The following ZFPM2 variants were observed in gnomAD, a reference collection of about 807,000 sequenced individuals.
ZFPM2 encodes zinc finger protein ZFPM2.
ZFPM2 carries 20 observed loss-of-function variants against 98.6 expected under a neutral mutation model. The observed-to-expected ratio is 0.20, with a 90% CI of 0.14 to 0.29. The LOEUF is 0.29. Among genes scored for constraint, ZFPM2 ranks in the 10% least tolerant of loss-of-function variants. ZFPM2 has a pLI of 1.00. For synonymous variants in ZFPM2, 518 were observed against 502.7 expected (o/e 1.03, Z -0.41); for missense variants, 1,310 against 1,388.6 (o/e 0.94, Z 0.90).
chr8:105,668,326 G>T (rs1817526118), intron 5 of ZFPM2, among the ~76,000 whole-genome samples: 1 of 152,158 alleles, frequency 6.6e-6, no homozygotes, highest in Admixed American at 6.5e-5. Context: ...TGTCAATTAA[G>T]AAGTCTAATT....
chr8:105,790,301 T>C (rs919957313), intron 6 of ZFPM2, among the ~76,000 whole-genome samples: 9 of 151,462 alleles, frequency 5.9e-5, no homozygotes, highest in Non-Finnish European at 8.9e-5. Context: ...GCTTTCTACA[T>C]ATGGCTAGCC....
intron 5 of ZFPM2, among the ~76,000 whole-genome samples, chr8:105,747,308 C>T (rs1295361583): frequency 3.3e-5 from 5 of 152,008 alleles, no homozygotes. Flanking sequence ...AGTCAGTTAA[C>T]TCGAAGGTTA....
intron 5 of ZFPM2, among the ~76,000 whole-genome samples, chr8:105,744,291 A>G (rs1812292965): frequency 1.3e-5 from 2 of 152,076 alleles, no homozygotes; most frequent in Non-Finnish European, 1.5e-5. Flanking sequence ...GAGCACTTTC[A>G]CTGATATTAG....
At chr8:105,504,196 G>A (rs942909983) in intron 3 of ZFPM2, among the ~76,000 whole-genome samples, 2 of 152,162 alleles carry the variant, frequency 1.3e-5, no homozygotes, top group African/African-American at 4.8e-5. Flanking sequence ...TTGCATACAG[G>A]AAGACAGAAG....
rs78446600 is a variant in ZFPM2 at position 105,570,678 on chromosome 8, C to G, written c.420+9197C>G. On this transcript the variant is annotated intron_variant, in intron 4 of 7. Coordinates refer to ENST00000407775, the MANE Select transcript of ZFPM2 (RefSeq NM_012082.4). ...ATAGCTAGCCTGTTAACCTCAATCT[C>G]ATCCTGACTTACTTTTTCTCCTGAT... 7.0e-3 allele frequency among the ~76,000 whole-genome samples: 1,063 copies of G among 152,292 alleles called. 12 individuals carry two copies. The highest frequency in any genetic ancestry group is 0.024 in the African/African-American group (985 of 41,570).
chr8:105,762,843 AAT>A (rs1812763346), intron 5 of ZFPM2, among the ~76,000 whole-genome samples: 1 of 151,890 alleles, frequency 6.6e-6, no homozygotes, highest in Non-Finnish European at 1.5e-5. Flanking sequence ...ACCTTATGAT[AAT>A]GTTTCCCATC....
At position 105,372,004 on chromosome 8, in the gene ZFPM2, AATTATTATTATTATTATTATT is replaced by A. The variant is rs139489210; in HGVS notation, c.41-47115_41-47095del. ...GTTCACAAAATGATAAAAATAGTGA[AATTATTATTATTATTATTATT>A]ATTATTATTATTATTATTATTATTT... On this transcript the variant is annotated intron_variant, in intron 1 of 7. Transcript: ENST00000407775. 1.5e-3 allele frequency among the ~76,000 whole-genome samples: 215 copies of A among 145,734 alleles called. 1 individual carries two copies. Among genetic ancestry groups the A allele is most frequent in the African/African-American group, 5.2e-3 (206 of 39,784 alleles).
intron 6 of ZFPM2, among the ~76,000 whole-genome samples, chr8:105,792,265 G>A (rs1326439615): frequency 6.6e-6 from 1 of 152,140 alleles, no homozygotes; most frequent in African/African-American, 2.4e-5. Context: ...CTTTGAATGT[G>A]TCCCAGAGAT....
At chr8:105,607,386 G>T (rs1816217145) in intron 4 of ZFPM2, among the ~76,000 whole-genome samples, 1 of 151,908 alleles carries the variant, frequency 6.6e-6, no homozygotes, top group African/African-American at 2.4e-5. Context: ...TCTGAGAAAA[G>T]AAGAAGGGAA....
At chr8:105,464,763 A>T (rs973594540) in intron 3 of ZFPM2, among the ~76,000 whole-genome samples, 1 of 152,024 alleles carries the variant, frequency 6.6e-6, no homozygotes, top group East Asian at 1.9e-4. Flanking sequence ...AGGGAAAAAA[A>T]CCTGCCTCAA....
chr8:105,607,365 T>C (rs1816216917), intron 4 of ZFPM2, among the ~76,000 whole-genome samples: 2 of 152,124 alleles, frequency 1.3e-5, no homozygotes, highest in Non-Finnish European at 1.5e-5. Flanking sequence ...TTATCTCATA[T>C]TAATGAGAGA....
chr8:105,373,642 A>G (rs1029867621), intron 1 of ZFPM2, among the ~76,000 whole-genome samples: 4 of 152,228 alleles, frequency 2.6e-5, no homozygotes, highest in African/African-American at 9.6e-5. Context: ...AATAAATTGC[A>G]GAGAAATTAA....
intron 1 of ZFPM2, among the ~76,000 whole-genome samples, chr8:105,354,201 T>C (rs559825166): frequency 1.6e-4 from 25 of 152,194 alleles, no homozygotes; most frequent in Non-Finnish European, 3.2e-4. Flanking sequence ...AAATATGCCG[T>C]ATTGTAACAA....
chr8:105,551,873 C>T (rs1814860808), intron 3 of ZFPM2, among the ~76,000 whole-genome samples: 1 of 152,102 alleles, frequency 6.6e-6, no homozygotes, highest in East Asian at 1.9e-4. Flanking sequence ...TTATAGATAT[C>T]AAGCTAACAC....
intron 1 of ZFPM2, among the ~76,000 whole-genome samples, chr8:105,390,455 G>A (rs1361853977): frequency 6.6e-6 from 1 of 152,188 alleles, no homozygotes; most frequent in Admixed American, 6.5e-5. Context: ...AACTCGGAAT[G>A]CATCATTCTG....
At chr8:105,517,711 A>ACACACACACACACACACACACACC in intron 3 of ZFPM2, among the ~76,000 whole-genome samples, 1 of 133,566 alleles carries the variant, frequency 7.5e-6, no homozygotes, top group Non-Finnish European at 1.5e-5. Context: ...CACACACCAC[A>ACACACACACACACACACACACACC]CACACACACA....
intron 3 of ZFPM2, among the ~76,000 whole-genome samples, chr8:105,522,015 G>A (rs1251743434): frequency 2.6e-5 from 4 of 152,212 alleles, no homozygotes; most frequent in African/African-American, 9.7e-5. Flanking sequence ...GAGTAGTACA[G>A]AATTCATCCA....
At chr8:105,441,504 A>AAAAAAG (rs1554605013) in intron 2 of ZFPM2, among the ~76,000 whole-genome samples, 1 of 139,720 alleles carries the variant, frequency 7.2e-6, no homozygotes, top group African/African-American at 2.8e-5. Context: ...GAAAGAAATC[A>AAAAAAG]AAGCCCAGGG....
At chr8:105,587,201 C>T (rs182107127) in intron 4 of ZFPM2, among the ~76,000 whole-genome samples, 247 of 145,582 alleles carry the variant, frequency 1.7e-3, no homozygotes, top group Non-Finnish European at 1.6e-3. Context: ...GGCATGAACC[C>T]GGGAGGCGGA....
Sources: allele counts gnomAD v4.1 joint callset (sites outside exome capture counted in the v4.1 genomes callset), GRCh38; gene constraint gnomAD v4.1.1; transcripts MANE v1.5; gene names NCBI Gene and HGNC (gene_info 2026-07-23, HGNC 2026-07-21).